The following TNKS variants were observed in gnomAD, a reference collection of about 807,000 sequenced individuals.
TNKS encodes tankyrase.
A neutral mutation model predicts 135.8 loss-of-function variants in TNKS; 72 were observed. The ratio of observed to expected loss-of-function variants is 0.53; its 90% confidence interval spans 0.44 to 0.64. TNKS has a LOEUF of 0.64. TNKS is among the 30% of genes least tolerant of loss of function. The probability of loss-of-function intolerance (pLI) is 0.00; values close to 1 mark genes in which losing one functional copy is unlikely to be tolerated. For synonymous variants in TNKS, 849 were observed against 649.3 expected (o/e 1.31, Z -4.68); for missense variants, 1,769 against 1,674.0 (o/e 1.06, Z -0.99).
chr8:9,756,834 T>TGG (rs1367503191), intron 20 of TNKS, among the ~76,000 whole-genome samples: 3 of 152,202 alleles, frequency 2.0e-5, no homozygotes, highest in African/African-American at 7.2e-5. Context: ...ATCTTCTTCT[T>TGG]ATTCCCAGTT....
At chr8:9,596,183 T>G (rs1161579457) in intron 2 of TNKS, among the ~76,000 whole-genome samples, 1 of 152,168 alleles carries the variant, frequency 6.6e-6, no homozygotes, top group Non-Finnish European at 1.5e-5. Flanking sequence ...ATACATGGCT[T>G]AAGTTTGGGG....
chr8:9,715,798 T>TA lies in TNKS; in HGVS notation c.1750-4568dup, dbSNP rs955825650. Among the ~76,000 whole-genome samples, 8 of 152,122 alleles carry TA rather than the reference T, an allele frequency of 5.3e-5. No homozygotes were observed. In the South Asian group the frequency reaches 8.3e-4, roughly 16 times the overall value. On this transcript the variant is annotated intron_variant, in intron 11 of 26. Coordinates refer to ENST00000310430, the MANE Select transcript of TNKS (RefSeq NM_003747.3). ...TTACTAGGAGTAAACTTTTGTTCCT[T>TA]AAAAAAAATCAATAATTTATTATCC...
intron 3 of TNKS, among the ~76,000 whole-genome samples, chr8:9,635,186 A>AG: frequency 6.6e-6 from 1 of 152,132 alleles, no homozygotes; most frequent in East Asian, 1.9e-4. Context: ...AAAAAAAAAA[A>AG]AAAAGTAATG....
At chr8:9,611,708 A>T (rs1799470845) in intron 2 of TNKS, among the ~76,000 whole-genome samples, 1 of 152,240 alleles carries the variant, frequency 6.6e-6, no homozygotes, top group Non-Finnish European at 1.5e-5. Context: ...GTATTAGAAA[A>T]TAGTCCCACA....
chr8:9,680,311 G>T (rs970636164), intron 4 of TNKS, among the ~76,000 whole-genome samples: 3 of 152,058 alleles, frequency 2.0e-5, no homozygotes, highest in African/African-American at 7.2e-5. Flanking sequence ...AGCAAAGCTT[G>T]AATGAAGAGC....
intron 3 of TNKS, among the ~76,000 whole-genome samples, chr8:9,620,726 C>T (rs1406439804): frequency 6.6e-6 from 1 of 152,176 alleles, no homozygotes; most frequent in Non-Finnish European, 1.5e-5. Flanking sequence ...GAACACTTCC[C>T]CAGTTCATCA....
chr8:9,780,133 G>A lies in TNKS; in HGVS notation c.*3397G>A, dbSNP rs1342239515. On this transcript the variant is annotated 3_prime_UTR_variant, in exon 27 of 27. Coordinates refer to ENST00000310430, the MANE Select transcript of TNKS (RefSeq NM_003747.3). ...GAACGGCATTAGAATGCAATAAGTT[G>A]TCTAGGTTTTTCTGTTTCAGTGTCT... 1.3e-5 allele frequency: 2 copies of A among 152,210 alleles called. No homozygotes were observed. The highest frequency in any genetic ancestry group is 2.9e-5 in the Non-Finnish European group (2 of 68,032). The allele number at this position is 152,210 out of a possible 1,614,324, so 9.4% of individuals were successfully genotyped here.
At chr8:9,735,706 A>G (rs1260689316) in intron 17 of TNKS, among the ~76,000 whole-genome samples, 7 of 152,136 alleles carry the variant, frequency 4.6e-5, no homozygotes, top group African/African-American at 1.7e-4. Context: ...AGGCTGAGGC[A>G]GGAGAATGGC....
chr8:9,734,472 CTACT>C (rs1805591378), intron 15 of TNKS, among the ~76,000 whole-genome samples: 1 of 26,758 alleles, frequency 3.7e-5, no homozygotes, highest in Admixed American at 3.3e-4. Flanking sequence ...GTGTCTTACT[CTACT>C]CTCTTCTTTT....
chr8:9,592,029 T>C (rs749170509), intron 2 of TNKS, among the ~76,000 whole-genome samples: 13 of 152,156 alleles, frequency 8.5e-5, no homozygotes, highest in Non-Finnish European at 1.6e-4. Context: ...CTTGAATATA[T>C]TATAGGACTC....
At chr8:9,684,442 T>G (rs751744452) in intron 5 of TNKS, among the ~76,000 whole-genome samples, 1 of 152,080 alleles carries the variant, frequency 6.6e-6, no homozygotes, top group Non-Finnish European at 1.5e-5. Flanking sequence ...TTGAGAGTTC[T>G]TTGTGGTTCC....
Position 9,733,276 on chromosome 8 carries a change from T to A in TNKS, c.2148-3T>A. 1 of 1,555,508 alleles carries A rather than the reference T, an allele frequency of 6.4e-7. No individual in the cohort carries two copies. Among genetic ancestry groups the A allele is most frequent in the Non-Finnish European group, 8.6e-7 (1 of 1,158,824 alleles). On this transcript the variant is annotated splice_polypyrimidine_tract_variant and splice_region_variant and intron_variant, in intron 14 of 26. Coordinates refer to ENST00000310430, the MANE Select transcript of TNKS (RefSeq NM_003747.3). ...GACTTTAAAATAACTTTCTTTTGTT[T>A]AGTGGCTTGGTGCCCCTTCATAATG...
chr8:9,565,546 C>A (rs1285241402), intron 1 of TNKS, among the ~76,000 whole-genome samples: 1 of 152,098 alleles, frequency 6.6e-6, no homozygotes, highest in South Asian at 2.1e-4. Flanking sequence ...AAGCTATAGT[C>A]TCTGTGTCAT....
intron 1 of TNKS, among the ~76,000 whole-genome samples, chr8:9,565,026 C>G (rs910359902): frequency 2.0e-5 from 3 of 151,576 alleles, no homozygotes; most frequent in African/African-American, 7.3e-5. Context: ...AAAAAAATCA[C>G]TTTGATTTCA....
intron 1 of TNKS, chr8:9,557,285 C>T (rs1164021366): frequency 6.6e-6 from 1 of 152,108 alleles, no homozygotes; most frequent in Admixed American, 6.5e-5. Flanking sequence ...CCTCAGTTTT[C>T]TCATGGGCAA....
chr8:9,773,314 A>G (rs1808046616), intron 26 of TNKS, among the ~76,000 whole-genome samples: 1 of 152,154 alleles, frequency 6.6e-6, no homozygotes, highest in Non-Finnish European at 1.5e-5. Context: ...TATGTCTGAT[A>G]TTTTTTAACA....
At chr8:9,682,422 C>G (rs1422717657) in intron 5 of TNKS, among the ~76,000 whole-genome samples, 1 of 152,040 alleles carries the variant, frequency 6.6e-6, no homozygotes, top group African/African-American at 2.4e-5. Flanking sequence ...CAAATTCTCT[C>G]TTCTCCCTGC....
At chr8:9,769,262 C>G (rs1033460943) in intron 25 of TNKS, among the ~76,000 whole-genome samples, 1 of 152,216 alleles carries the variant, frequency 6.6e-6, no homozygotes, top group Non-Finnish European at 1.5e-5. Flanking sequence ...GAGCCATGGG[C>G]TATAGCTTGC....
chr8:9,734,570 A>G (rs1805594850), intron 15 of TNKS, among the ~76,000 whole-genome samples: 2 of 152,116 alleles, frequency 1.3e-5, no homozygotes, highest in Admixed American at 1.3e-4. Context: ...TAGGTTTCCA[A>G]AGACAACTTG....
Sources: allele counts gnomAD v4.1 joint callset (sites outside exome capture counted in the v4.1 genomes callset), GRCh38; gene constraint gnomAD v4.1.1; transcripts MANE v1.5; gene names NCBI Gene and HGNC (gene_info 2026-07-23, HGNC 2026-07-21).